CCDC25: variants seen among roughly 807,000 people sequenced by gnomAD.
CCDC25 encodes coiled-coil domain containing 25, also known as coiled-coil domain-containing protein 25.
A neutral mutation model predicts 35.3 loss-of-function variants in CCDC25; 16 were observed. The ratio of observed to expected loss-of-function variants is 0.45; its 90% CI spans 0.31 to 0.69. The LOEUF is 0.69. Ranked by LOEUF, CCDC25 falls within the 30% of genes least tolerant of loss-of-function variation. The probability of loss-of-function intolerance (pLI) is 0.06; values close to 1 mark genes in which losing one functional copy is unlikely to be tolerated. For synonymous variants in CCDC25, 79 were observed against 80.3 expected, an observed-to-expected ratio of 0.98 and a Z score of 0.09; for missense variants, 179 against 250.7, an observed-to-expected ratio of 0.71 and a Z score of 1.93.
chr8:27,755,002 C>T (rs190054715), intron 4 of CCDC25, among the ~76,000 whole-genome samples: 4 of 152,266 alleles, frequency 2.6e-5, no homozygotes, highest in Non-Finnish European at 5.9e-5. Flanking sequence ...TAGTAACAGG[C>T]GCACCCAGAG....
At chr8:27,765,120 T>A in intron 2 of CCDC25, 84 bp downstream of exon 2, 1 of 1,286,066 alleles carries the variant, frequency 7.8e-7, no homozygotes. Context: ...ACCAACAAAC[T>A]GGGTGGGGGG....
chr8:27,753,569 C>T (rs967068900), intron 4 of CCDC25, among the ~76,000 whole-genome samples: 1 of 152,098 alleles, frequency 6.6e-6, no homozygotes, highest in South Asian at 2.1e-4. Context: ...AAACTGAGCT[C>T]ATTATGTGTT....
intron 4 of CCDC25, among the ~76,000 whole-genome samples, chr8:27,755,661 C>T (rs1393070486): frequency 1.3e-5 from 2 of 152,180 alleles, no homozygotes; most frequent in Non-Finnish European, 1.5e-5. Context: ...CATCAAGGCT[C>T]ACGTCATCAA....
Position 27,764,863 on chromosome 8 carries a change from T to C in CCDC25, c.76+341A>G, listed in dbSNP as rs893515719. 3.9e-5 allele frequency among the ~76,000 whole-genome samples: 6 copies of C among 152,230 alleles called. 1 individual carries two copies. The highest frequency in any genetic ancestry group is 2.1e-4 in the South Asian group (1 of 4,836). ...CATTTTGTCTATACTTTTTAAAAAA[T>C]AGACCTTAGTACTTTTTCATGATAA... On this transcript the variant is annotated intron_variant, in intron 2 of 8. Coordinates refer to ENST00000356537, the MANE Select transcript of CCDC25 (RefSeq NM_018246.3).
chr8:27,759,967 A>G (rs1426055551), intron 3 of CCDC25, among the ~76,000 whole-genome samples: 3 of 152,072 alleles, frequency 2.0e-5, no homozygotes, highest in Non-Finnish European at 2.9e-5. Context: ...AATGGTGATC[A>G]ACTCAGGATC....
intron 1 of CCDC25, among the ~76,000 whole-genome samples, chr8:27,768,722 T>C (rs191301301): frequency 2.3e-4 from 35 of 152,356 alleles, no homozygotes; most frequent in Non-Finnish European, 4.1e-4. Flanking sequence ...GGTTGATTAG[T>C]ACTGGAACCG....
Position 27,772,603 on chromosome 8 carries a change from G to A in CCDC25, c.-63C>T. 1.3e-6 allele frequency: 2 copies of A among 1,506,590 alleles called. No individual in the cohort carries two copies. The highest frequency in any genetic ancestry group is 1.2e-5 in the South Asian group (1 of 82,922). The allele number at this position is 1,506,590 out of a possible 1,614,324, so 93.3% of individuals were successfully genotyped here. The stretch of plus-strand genomic sequence containing the variant: ...GCAGCGCTCAACTCACGAAGCTCAG[G>A]ATACCAGACTCGCGGCGGCCGCCTG... On this transcript the variant is annotated 5_prime_UTR_variant, in exon 1 of 9. Coordinates refer to ENST00000356537, the MANE Select transcript of CCDC25 (RefSeq NM_018246.3).
chr8:27,740,644 A>G (rs1290929304), intron 7 of CCDC25, 127 bp from the exon 8 acceptor site: 1 of 731,558 alleles, frequency 1.4e-6, no homozygotes. Context: ...GCTATTAGAT[A>G]TAATCTCTGC....
intron 1 of CCDC25, among the ~76,000 whole-genome samples, chr8:27,771,649 C>CG (rs1563464273): frequency 1.3e-5 from 2 of 152,106 alleles, no homozygotes; most frequent in Admixed American, 6.5e-5. Context: ...CCTCAAGGGA[C>CG]TTACACTCTA....
rs569454042 is a variant in CCDC25, at chr8:27,751,613, C to A, written c.244+899G>T. On this transcript the variant is annotated intron_variant, in intron 5 of 8. Coordinates refer to ENST00000356537, the MANE Select transcript of CCDC25 (RefSeq NM_018246.3). ...TCCCAAACCATGATTGCTTTCCAAC[C>A]CTCTGGAGCATCCCTTCACTCCATC... Among the ~76,000 whole-genome samples, 7 of 152,296 alleles carry A rather than the reference C, an allele frequency of 4.6e-5. No homozygotes were observed. In the East Asian group the frequency reaches 1.3e-3, roughly 29 times the overall value.
intron 1 of CCDC25, among the ~76,000 whole-genome samples, 190 bp from the exon 2 acceptor site, chr8:27,765,441 A>C (rs1804367817): frequency 6.6e-6 from 1 of 152,152 alleles, no homozygotes; most frequent in Non-Finnish European, 1.5e-5. Context: ...AAGGGTTGGA[A>C]AAAAAGCAAA....
At chr8:27,762,605 A>G in intron 2 of CCDC25, 147 bp from the exon 3 acceptor site, 1 of 564,060 alleles carries the variant, frequency 1.8e-6, no homozygotes, top group Non-Finnish European at 3.1e-6. Flanking sequence ...TTGATGCTTG[A>G]AAATACAGAA....
chr8:27,762,094 G>A (rs1188376610), intron 3 of CCDC25, among the ~76,000 whole-genome samples: 2 of 152,096 alleles, frequency 1.3e-5, no homozygotes, highest in African/African-American at 4.8e-5. Flanking sequence ...ATTGCTTCAT[G>A]TGAAGTCTTC....
intron 7 of CCDC25, among the ~76,000 whole-genome samples, chr8:27,745,859 A>G (rs964324899): frequency 6.6e-6 from 1 of 152,206 alleles, no homozygotes; most frequent in Non-Finnish European, 1.5e-5. Context: ...AGATCCATGG[A>G]GATTATTAAA....
chr8:27,737,083 A>G lies in CCDC25; in HGVS notation c.598-838T>C, dbSNP rs1438257894. The stretch of plus-strand genomic sequence containing the variant: ...TTATTAAAGATGGTAGAGAAATACG[A>G]TATGGGTAGAAAACATTGGTTCCTG... On this transcript the variant is annotated intron_variant, in intron 8 of 8. Coordinates refer to ENST00000356537, the MANE Select transcript of CCDC25 (RefSeq NM_018246.3). This position sits in a 1 kb window ranked among gnomAD's most constrained non-coding sequence, Gnocchi z 4.6. Among the ~76,000 whole-genome samples the G allele has an allele frequency of 6.6e-6, 1 of 152,204 alleles. No individual in the cohort carries two copies. The highest frequency in any genetic ancestry group is 2.4e-5 in the African/African-American group (1 of 41,450).
At chr8:27,749,942 A>G (rs181602883) in intron 5 of CCDC25, among the ~76,000 whole-genome samples, 74 of 152,358 alleles carry the variant, frequency 4.9e-4, no homozygotes, top group Non-Finnish European at 8.5e-4. Flanking sequence ...GATGAATCTA[A>G]GTGAATGGTA....
intron 3 of CCDC25, among the ~76,000 whole-genome samples, chr8:27,760,966 A>G (rs556316508): frequency 6.6e-6 from 1 of 152,252 alleles, no homozygotes; most frequent in East Asian, 1.9e-4. Context: ...AGTCTCTACT[A>G]AAAATACAAA....
intron 7 of CCDC25, among the ~76,000 whole-genome samples, chr8:27,745,815 G>A (rs1306873424): frequency 6.6e-6 from 1 of 152,140 alleles, no homozygotes; most frequent in Non-Finnish European, 1.5e-5. Flanking sequence ...CACGGTTAAC[G>A]GAAATAAACA....
chr8:27,742,827 A>G (rs1803485086), intron 7 of CCDC25, among the ~76,000 whole-genome samples: 2 of 152,214 alleles, frequency 1.3e-5, no homozygotes, highest in Admixed American at 1.3e-4. Flanking sequence ...AGATCGTGCC[A>G]CTGCACTCCA....
Sources: allele counts gnomAD v4.1 joint callset (sites outside exome capture counted in the v4.1 genomes callset), GRCh38; gene constraint gnomAD v4.1.1; non-coding constraint Gnocchi (gnomAD v3.1); transcripts MANE v1.5; gene names NCBI Gene and HGNC (gene_info 2026-07-23, HGNC 2026-07-21).